Variants in PDPN observed in about 807,000 individuals in gnomAD.
PDPN encodes podoplanin.
Under a neutral mutation model 23.2 loss-of-function variants are expected in PDPN, and 12 were observed. The ratio of observed to expected loss-of-function variants is 0.52; its 90% CI spans 0.33 to 0.84. The LOEUF is 0.84. Ranked by LOEUF, PDPN falls within the 40% of genes least tolerant of loss-of-function variation. The pLI, the probability that PDPN is intolerant of heterozygous loss-of-function variation, is 0.02. For missense variants in PDPN, 199 were observed against 212.2 expected, an observed-to-expected ratio of 0.94 and a Z score of 0.39; for synonymous variants, 77 against 76.7, an observed-to-expected ratio of 1.00 and a Z score of -0.02.
Position 13,617,799 on chromosome 1 carries a change from CT to C in PDPN, c.*1891del, listed in dbSNP as rs5772545. 0.26 allele frequency: 38,816 copies of C among 151,932 alleles called. 6,032 individuals are homozygous for C. The highest frequency in any genetic ancestry group is 0.39 in the Admixed American group (6,025 of 15,270). 9.4% of individuals were successfully genotyped at this position (151,932 alleles called of 1,614,324 possible). A position where few individuals can be genotyped will look rare whatever the true frequency, so the allele number is the denominator to read the frequency against. ...TAATGGCCATCTTTTCTTTCCTATC[CT>C]TTCTTCCCCCCTCACTGTGAAAAAT... On this transcript the variant is annotated 3_prime_UTR_variant, in exon 6 of 6. Transcript: ENST00000621990.
At chr1:13,614,185 T>C in intron 4 of PDPN, 115 bp from the exon 5 acceptor site, 1 of 630,672 alleles carries the variant, frequency 1.6e-6, no homozygotes, top group East Asian at 2.7e-5. Flanking sequence ...TCAAACAACA[T>C]AGAGCAATAT....
chr1:13,606,853 G>A (rs1640800996), intron 1 of PDPN, among the ~76,000 whole-genome samples: 1 of 152,166 alleles, frequency 6.6e-6, no homozygotes, highest in African/African-American at 2.4e-5. Flanking sequence ...GAAGAATCTG[G>A]TTCCTTATTG....
intron 3 of PDPN, among the ~76,000 whole-genome samples, chr1:13,611,375 A>G (rs1424411869): frequency 1.6e-5 from 2 of 125,348 alleles, no homozygotes; most frequent in African/African-American, 6.5e-5. Flanking sequence ...AATGTAGTGT[A>G]TATGACGGAA....
intron 1 of PDPN, among the ~76,000 whole-genome samples, chr1:13,599,011 C>CTTTTTTTTTTTTTTTTTTT (rs35244657): frequency 0.01 from 1,324 of 126,768 alleles, 53 homozygotes; most frequent in Non-Finnish European, 0.017. Context: ...GCCCCCCCTC[C>CTTTTTTTTTTTTTTTTTTT]TTTTTTTTTT....
At chr1:13,601,122 T>C (rs1385027264) in intron 1 of PDPN, among the ~76,000 whole-genome samples, 1 of 152,202 alleles carries the variant, frequency 6.6e-6, no homozygotes, top group Non-Finnish European at 1.5e-5. Context: ...ATACTTACTT[T>C]TCCTCCTTGC....
intron 3 of PDPN, among the ~76,000 whole-genome samples, chr1:13,611,004 A>G (rs551790426): frequency 2.6e-5 from 4 of 152,074 alleles, no homozygotes; most frequent in Admixed American, 1.3e-4. Context: ...GGCGGATCAC[A>G]AGGTCAGGAG....
intron 5 of PDPN, 112 bp from the exon 6 acceptor site, chr1:13,615,793 G>T (rs989129641): frequency 5.2e-6 from 5 of 955,478 alleles, no homozygotes; most frequent in Non-Finnish European, 8.5e-6. Context: ...TGATCACCAG[G>T]TGTCAGAACT....
chr1:13,606,356 C>T (rs1318523203), intron 1 of PDPN, among the ~76,000 whole-genome samples: 30 of 152,146 alleles, frequency 2.0e-4, no homozygotes. Context: ...CATCCCTAAG[C>T]ATATTACTGA....
At chr1:13,594,606 A>G (rs572998086) in intron 1 of PDPN, among the ~76,000 whole-genome samples, 58 of 152,332 alleles carry the variant, frequency 3.8e-4, no homozygotes, top group African/African-American at 1.4e-3. Flanking sequence ...GCACTTGCTC[A>G]TTTCATGGGC....
chr1:13,613,700 A>G lies in PDPN; in HGVS notation c.345A>G (p.Gly115=). The G allele has an allele frequency of 6.8e-7, 1 of 1,473,492 alleles. No individual in the cohort carries two copies. Among genetic ancestry groups the G allele is most frequent in the Non-Finnish European group, 9.5e-7 (1 of 1,052,544 alleles). 91.3% of individuals were successfully genotyped at this position (1,473,492 alleles called of 1,614,324 possible). Residue 115 remains glycine (G), a synonymous_variant, in exon 4 of 6, where the codon GGA becomes GGG. Coordinates refer to ENST00000621990, the MANE Select transcript of PDPN (RefSeq NM_006474.5). The stretch of plus-strand genomic sequence containing the variant: ...TTCTATTCACAGAGAAAGTGGATGG[A>G]GACACACAGACAACAGTTGAGAAAG... ...ATSHSTEKVD[G]DTQTTVEKDG...
At chr1:13,612,963 G>A (rs1199382042) in intron 3 of PDPN, among the ~76,000 whole-genome samples, 9 of 151,522 alleles carry the variant, frequency 5.9e-5, no homozygotes, top group Non-Finnish European at 1.3e-4. Context: ...TTAAGGACTC[G>A]TTATATAAAG....
intron 1 of PDPN, among the ~76,000 whole-genome samples, chr1:13,598,272 C>T (rs1286338572): frequency 6.6e-6 from 1 of 152,086 alleles, no homozygotes; most frequent in Non-Finnish European, 1.5e-5. Flanking sequence ...CCTCCTCGGC[C>T]TCCCTAAGCA....
At chr1:13,596,330 G>A (rs1640496813) in intron 1 of PDPN, among the ~76,000 whole-genome samples, 2 of 152,190 alleles carry the variant, frequency 1.3e-5, no homozygotes, top group South Asian at 2.1e-4. Flanking sequence ...TTCAGTTAGC[G>A]CTATGTACGC....
Position 13,594,724 on chromosome 1 carries a change from C to T in PDPN, c.67+10624C>T, listed in dbSNP as rs184554204. On this transcript the variant is annotated intron_variant, in intron 1 of 5. Transcript: ENST00000621990. ...GAGAGCTGCTGGGTACGGTGGCTTA[C>T]GCCTCTAATCCCAGCACTTTGGGAG... Among the ~76,000 whole-genome samples the T allele has an allele frequency of 5.5e-3, 836 of 152,160 alleles. 10 individuals are homozygous for T. The highest frequency in any genetic ancestry group is 0.019 in the African/African-American group (798 of 41,490).
chr1:13,612,647 G>A (rs1317879651), intron 3 of PDPN, among the ~76,000 whole-genome samples: 1 of 152,206 alleles, frequency 6.6e-6, no homozygotes, highest in Non-Finnish European at 1.5e-5. Context: ...GGCTCAGCTT[G>A]TGCAGGGAGT....
Position 13,617,581 on chromosome 1 carries a change from G to A in PDPN, c.*1670G>A, listed in dbSNP as rs941688964. On this transcript the variant is annotated 3_prime_UTR_variant, in exon 6 of 6. Transcript: ENST00000621990. ...AGAGATGGGGTTTCACCGTATCGGC[G>A]AGGATGATCTCTATCTCTTGACCTC... The A allele has an allele frequency of 3.3e-5, 5 of 152,170 alleles. No individual in the cohort carries two copies. The highest frequency in any genetic ancestry group is 9.7e-5 in the African/African-American group (4 of 41,444). 9.4% of individuals were successfully genotyped at this position (152,170 alleles called of 1,614,324 possible).
intron 1 of PDPN, among the ~76,000 whole-genome samples, chr1:13,595,015 AAG>A (rs1160995820): frequency 2.7e-5 from 4 of 150,482 alleles, no homozygotes; most frequent in Non-Finnish European, 5.9e-5. Flanking sequence ...AAAAGAAAGA[AAG>A]AAAAAAAAAA....
chr1:13,594,750 G>T (rs1297467103), intron 1 of PDPN, among the ~76,000 whole-genome samples: 2 of 151,978 alleles, frequency 1.3e-5, no homozygotes, highest in Non-Finnish European at 1.5e-5. Flanking sequence ...ACTTTGGGAG[G>T]CCGAGGTGGG....
At chr1:13,611,220 CAA>C (rs112926631) in intron 3 of PDPN, among the ~76,000 whole-genome samples, 1 of 135,526 alleles carries the variant, frequency 7.4e-6, no homozygotes, top group Admixed American at 7.4e-5. Flanking sequence ...GAATCCGTCT[CAA>C]AAAAAAAAAC....
Sources: gnomAD v4.1 joint callset for allele counts (sites outside exome capture counted in the v4.1 genomes callset) on GRCh38, gnomAD v4.1.1 for gene constraint, MANE v1.5 for transcripts, NCBI Gene and HGNC (gene_info 2026-07-23, HGNC 2026-07-21) for gene names.